ANGPT1: variants seen among roughly 807,000 people sequenced by gnomAD.
ANGPT1 encodes the protein angiopoietin-1.
Under a neutral mutation model 62.2 loss-of-function variants are expected in ANGPT1, and 17 were observed. The ratio of observed to expected loss-of-function variants is 0.27; its 90% confidence interval spans 0.19 to 0.41. The LOEUF is 0.41. Among genes scored for constraint, ANGPT1 ranks in the 10% least tolerant of loss-of-function variants. The pLI is 1.00. For synonymous variants in ANGPT1, 199 were observed against 198.9 expected, an observed-to-expected ratio of 1.00 and a Z score of 0.00; for missense variants, 478 against 594.9, an observed-to-expected ratio of 0.80 and a Z score of 2.04.
intron 1 of ANGPT1, among the ~76,000 whole-genome samples, chr8:107,480,221 T>C (rs1267055677): frequency 1.3e-5 from 2 of 152,146 alleles, no homozygotes; most frequent in South Asian, 4.1e-4. Flanking sequence ...GTGCATAATA[T>C]GAAAAAACTA....
intron 6 of ANGPT1, among the ~76,000 whole-genome samples, chr8:107,286,544 C>T (rs949753377): frequency 4.0e-5 from 6 of 151,790 alleles, no homozygotes; most frequent in Non-Finnish European, 5.9e-5. Flanking sequence ...CTTTGGCCCT[C>T]GTTTTATTTT....
At chr8:107,417,850 C>A (rs1810793190) in intron 1 of ANGPT1, among the ~76,000 whole-genome samples, 1 of 151,946 alleles carries the variant, frequency 6.6e-6, no homozygotes, top group African/African-American at 2.4e-5. Flanking sequence ...CAACATTGAA[C>A]AACATTGACA....
At chr8:107,406,899 A>AAAAAAG (rs1554590834) in intron 1 of ANGPT1, among the ~76,000 whole-genome samples, 1 of 150,610 alleles carries the variant, frequency 6.6e-6, no homozygotes, top group African/African-American at 2.4e-5. Flanking sequence ...AAAAAAAAAA[A>AAAAAAG]GCAATTCTAC....
chr8:107,352,708 T>A (rs759832023), intron 1 of ANGPT1, among the ~76,000 whole-genome samples: 3 of 152,126 alleles, frequency 2.0e-5, no homozygotes, highest in Admixed American at 2.0e-4. Flanking sequence ...TTAAACCCTA[T>A]AAAAATTGAC....
intron 7 of ANGPT1, among the ~76,000 whole-genome samples, chr8:107,266,245 T>C (rs1239677255): frequency 6.6e-6 from 1 of 152,178 alleles, no homozygotes; most frequent in Non-Finnish European, 1.5e-5. Context: ...TTCTGGGACA[T>C]GTTACCTGGG....
chr8:107,484,752 T>C (rs1260544082), intron 1 of ANGPT1, among the ~76,000 whole-genome samples: 2 of 152,198 alleles, frequency 1.3e-5, no homozygotes, highest in Admixed American at 6.5e-5. Context: ...CCAGTATCTA[T>C]TGCTCTCTTT....
At chr8:107,272,778 T>C (rs1813767894) in intron 7 of ANGPT1, among the ~76,000 whole-genome samples, 1 of 150,812 alleles carries the variant, frequency 6.6e-6, no homozygotes, top group African/African-American at 2.4e-5. Context: ...ATGAGATCTG[T>C]GACAATGAAA....
At chr8:107,374,359 T>C (rs191932290) in intron 1 of ANGPT1, among the ~76,000 whole-genome samples, 5 of 152,336 alleles carry the variant, frequency 3.3e-5, no homozygotes, top group Admixed American at 3.3e-4. Context: ...TTTTACACAA[T>C]GGCAGTTCTC....
chr8:107,452,881 T>C (rs934259757), intron 1 of ANGPT1, among the ~76,000 whole-genome samples: 1 of 152,054 alleles, frequency 6.6e-6, no homozygotes, highest in African/African-American at 2.4e-5. Flanking sequence ...CATGGAAATC[T>C]CCATTCACAA....
rs143272483 is a variant in ANGPT1, at chr8:107,317,539, T to A, written c.808+4357A>T. Among the ~76,000 whole-genome samples, 598 of 152,296 alleles carry A rather than the reference T, an allele frequency of 3.9e-3. 10 individuals carry two copies. The highest frequency in any genetic ancestry group is 0.014 in the African/African-American group (580 of 41,570). On this transcript the variant is annotated intron_variant, in intron 4 of 8. Coordinates refer to ENST00000517746, the MANE Select transcript of ANGPT1 (RefSeq NM_001146.5). ...TTTTTACATGCTGTTAGTAATTAAA[T>A]TCCCAATTATATATTTGCCACGTGT...
intron 1 of ANGPT1, among the ~76,000 whole-genome samples, chr8:107,465,854 C>T (rs1812184956): frequency 6.6e-6 from 1 of 152,138 alleles, no homozygotes; most frequent in Non-Finnish European, 1.5e-5. Context: ...TAACTCTTCC[C>T]ACAGAGTAAC....
intron 4 of ANGPT1, among the ~76,000 whole-genome samples, chr8:107,312,063 CAAA>C (rs927603600): frequency 9.9e-5 from 7 of 71,050 alleles, no homozygotes; most frequent in Admixed American, 3.2e-4. Context: ...GACTCCGTTT[CAAA>C]AAAAAAAAAA....
intron 1 of ANGPT1, among the ~76,000 whole-genome samples, chr8:107,387,140 A>G (rs1816747044): frequency 6.6e-6 from 1 of 152,142 alleles, no homozygotes; most frequent in South Asian, 2.1e-4. Flanking sequence ...TAGTCGGGAA[A>G]GGCTCCACAG....
intron 1 of ANGPT1, chr8:107,494,458 C>T (rs578007100): frequency 2.0e-5 from 3 of 152,244 alleles, no homozygotes; most frequent in Admixed American, 2.0e-4. Context: ...AGAGATCAAA[C>T]CAGAAACACA....
chr8:107,429,414 C>T (rs10086336), intron 1 of ANGPT1, among the ~76,000 whole-genome samples: 59,837 of 151,866 alleles, frequency 0.39, 12,028 homozygotes, highest in Middle Eastern at 0.5. Context: ...ATGATCAAAC[C>T]CCCTTGAAGC....
intron 1 of ANGPT1, among the ~76,000 whole-genome samples, chr8:107,464,854 T>A (rs1294032047): frequency 1.3e-5 from 2 of 151,860 alleles, no homozygotes; most frequent in African/African-American, 4.8e-5. Flanking sequence ...GTAAGTGTGT[T>A]GATGGTGGGG....
At chr8:107,421,256 G>A (rs1490118164) in intron 1 of ANGPT1, among the ~76,000 whole-genome samples, 1 of 152,124 alleles carries the variant, frequency 6.6e-6, no homozygotes, top group African/African-American at 2.4e-5. Flanking sequence ...CTCATTGTGA[G>A]TGAAAAATTG....
chr8:107,266,351 C>T (rs1813613980), intron 7 of ANGPT1, among the ~76,000 whole-genome samples: 1 of 152,126 alleles, frequency 6.6e-6, no homozygotes, highest in African/African-American at 2.4e-5. Context: ...ATTGGCAAAA[C>T]TAACAAGAGA....
intron 1 of ANGPT1, among the ~76,000 whole-genome samples, chr8:107,405,588 A>C (rs1307988390): frequency 6.6e-6 from 1 of 152,024 alleles, no homozygotes; most frequent in Non-Finnish European, 1.5e-5. Flanking sequence ...ATAAAACATA[A>C]ATGGATTTTG....
Sources: gnomAD v4.1 joint callset for allele counts (sites outside exome capture counted in the v4.1 genomes callset) on GRCh38, gnomAD v4.1.1 for gene constraint, MANE v1.5 for transcripts, NCBI Gene and HGNC (gene_info 2026-07-23, HGNC 2026-07-21) for gene names.